MCHR2: variants seen among roughly 807,000 people sequenced by gnomAD.
MCHR2 encodes the protein melanin concentrating hormone receptor 2, also known as melanin-concentrating hormone receptor 2.
A neutral mutation model predicts 24.8 loss-of-function variants in MCHR2; 15 were observed. The ratio of observed to expected loss-of-function variants is 0.60; its 90% CI spans 0.40 to 0.93. The LOEUF is 0.93. MCHR2 is among the 40% of genes least tolerant of loss of function. The pLI is 0.00. For missense variants in MCHR2, 386 were observed against 408.7 expected, an observed-to-expected ratio of 0.94 and a Z score of 0.48; for synonymous variants, 151 against 147.6, an observed-to-expected ratio of 1.02 and a Z score of -0.17.
intron 3 of MCHR2, among the ~76,000 whole-genome samples, chr6:99,944,374 G>T (rs1774835957): frequency 6.6e-6 from 1 of 152,168 alleles, no homozygotes; most frequent in Admixed American, 6.6e-5. Context: ...GTGGAGGATA[G>T]TATTAGTAGA....
intron 1 of MCHR2, among the ~76,000 whole-genome samples, chr6:99,987,760 T>A (rs1369374527): frequency 6.6e-6 from 1 of 152,018 alleles, no homozygotes; most frequent in Non-Finnish European, 1.5e-5. Context: ...TTGAAATAAA[T>A]GGATAAACAT....
intron 1 of MCHR2, among the ~76,000 whole-genome samples, chr6:99,972,999 G>A (rs1045697290): frequency 1.4e-4 from 21 of 152,078 alleles, no homozygotes; most frequent in Admixed American, 2.0e-4. Context: ...GTCCGTTTTG[G>A]AATAGGTGTT....
Position 99,947,822 on chromosome 6 carries a change from G to C in MCHR2, c.332C>G (p.Ser111Cys). Residue 111 changes from serine to cysteine, a missense_variant, in exon 3 of 6, where the codon TCC (serine) becomes TGC (cysteine). By Grantham distance (112) the Ser-to-Cys change is moderately radical. Coordinates refer to ENST00000281806, the MANE Select transcript of MCHR2 (RefSeq NM_001040179.2). ...GGCAAATTGGTTACAAGTATCCAGG[G>C]ATGTGATGATGGTGCAGAGAGGCCC... ...FGGPLCTIIT[S>C]LDTCNQFACS... 1.2e-6 allele frequency: 2 copies of C among 1,613,804 alleles called. No homozygotes were observed. The highest frequency in any genetic ancestry group is 1.7e-6 in the Non-Finnish European group (2 of 1,179,788).
rs114863327 is a variant in MCHR2, at chr6:99,981,166, A to G, written c.-28+12770T>C. On this transcript the variant is annotated intron_variant, in intron 1 of 5. Transcript: ENST00000281806. ...ATTTATTATTATTATTGTTGTTACT[A>G]TTTTCACTTTAAAAGTACAGATTGT... Among the ~76,000 whole-genome samples, 447 of 152,286 alleles carry G rather than the reference A, an allele frequency of 2.9e-3. 4 individuals carry two copies. Among genetic ancestry groups the G allele is most frequent in the African/African-American group, 9.6e-3 (401 of 41,578 alleles).
At chr6:99,956,215 C>G in intron 1 of MCHR2, 41 bp from the exon 2 acceptor site, 6 of 1,305,126 alleles carry the variant, frequency 4.6e-6, no homozygotes, top group Non-Finnish European at 4.2e-6. Context: ...TGAACATTCC[C>G]TCAATATAAC....
chr6:99,941,618 G>C lies in MCHR2; in HGVS notation c.587+1331C>G, dbSNP rs567260349. ...TGTACTTATAAGAAGAGACACAAGAGAGCTTGCTTCCTGTCTCTCTCTTTT... is the reference window on the plus strand; with the variant it reads ...TGTACTTATAAGAAGAGACACAAGACAGCTTGCTTCCTGTCTCTCTCTTTT... On this transcript the variant is annotated intron_variant, in intron 4 of 5. Transcript: ENST00000281806. Among the ~76,000 whole-genome samples, 548 of 152,246 alleles carry C rather than the reference G, an allele frequency of 3.6e-3. 3 individuals are homozygous for C. Among genetic ancestry groups the C allele is most frequent in the African/African-American group, 0.012 (515 of 41,560 alleles).
At chr6:99,982,131 C>T (rs533038315) in intron 1 of MCHR2, among the ~76,000 whole-genome samples, 1 of 152,222 alleles carries the variant, frequency 6.6e-6, no homozygotes, top group African/African-American at 2.4e-5. Flanking sequence ...TTTTCCTCCT[C>T]ACAGCTTCAT....
At chr6:99,921,546 A>G (rs993720643) in intron 5 of MCHR2, among the ~76,000 whole-genome samples, 1 of 152,182 alleles carries the variant, frequency 6.6e-6, no homozygotes, top group African/African-American at 2.4e-5. Context: ...GTTTTGATAC[A>G]GGCATGCAAT....
intron 1 of MCHR2, among the ~76,000 whole-genome samples, chr6:99,992,882 A>G (rs974008679): frequency 2.0e-5 from 3 of 152,174 alleles, no homozygotes; most frequent in South Asian, 2.1e-4. Flanking sequence ...TACCAACCCA[A>G]TCCAGTCATT....
intron 1 of MCHR2, among the ~76,000 whole-genome samples, chr6:99,975,199 C>T (rs1051023421): frequency 6.6e-6 from 1 of 152,204 alleles, no homozygotes; most frequent in Non-Finnish European, 1.5e-5. Context: ...AGGCAGGTCT[C>T]CTTGAGCTGT....
chr6:99,959,138 T>C (rs1274637694), intron 1 of MCHR2, among the ~76,000 whole-genome samples: 2 of 152,034 alleles, frequency 1.3e-5, no homozygotes, highest in African/African-American at 4.8e-5. Flanking sequence ...TGATGAGACC[T>C]CATGTACTCT....
intron 1 of MCHR2, among the ~76,000 whole-genome samples, chr6:99,966,895 G>A (rs570545056): frequency 2.0e-5 from 3 of 152,100 alleles, no homozygotes; most frequent in African/African-American, 7.2e-5. Context: ...TATAATGAAA[G>A]CCAATGCTAA....
intron 1 of MCHR2, among the ~76,000 whole-genome samples, chr6:99,969,890 C>T (rs1432478918): frequency 1.3e-5 from 2 of 151,242 alleles, no homozygotes; most frequent in Non-Finnish European, 2.9e-5. Flanking sequence ...AGGACATGAA[C>T]TCTTCATTTT....
intron 2 of MCHR2, among the ~76,000 whole-genome samples, chr6:99,954,551 C>G (rs1290522083): frequency 2.0e-5 from 3 of 152,120 alleles, no homozygotes; most frequent in Non-Finnish European, 4.4e-5. Flanking sequence ...CTCCCAGCCC[C>G]CTTCAGCTGC....
intron 3 of MCHR2, among the ~76,000 whole-genome samples, chr6:99,947,521 A>C (rs1262436762): frequency 6.6e-6 from 1 of 152,156 alleles, no homozygotes; most frequent in African/African-American, 2.4e-5. Flanking sequence ...CTGAATTGCA[A>C]ATAAAACTGA....
At chr6:99,964,610 G>A (rs1281473952) in intron 1 of MCHR2, among the ~76,000 whole-genome samples, 1 of 152,082 alleles carries the variant, frequency 6.6e-6, no homozygotes, top group Non-Finnish European at 1.5e-5. Context: ...CATGAGAACA[G>A]CATGGGGGAA....
At chr6:99,965,836 A>G (rs1368345912) in intron 1 of MCHR2, among the ~76,000 whole-genome samples, 3 of 152,156 alleles carry the variant, frequency 2.0e-5, no homozygotes, top group Non-Finnish European at 4.4e-5. Context: ...GATCTCACAA[A>G]TCATTTATGA....
chr6:99,938,838 A>G (rs915987936), intron 4 of MCHR2, among the ~76,000 whole-genome samples: 2 of 152,054 alleles, frequency 1.3e-5, no homozygotes, highest in East Asian at 1.9e-4. Flanking sequence ...CTGAAGATCT[A>G]TTAGTGTTTG....
intron 1 of MCHR2, among the ~76,000 whole-genome samples, chr6:99,967,808 A>G (rs1470601278): frequency 6.6e-6 from 1 of 152,002 alleles, no homozygotes; most frequent in African/African-American, 2.4e-5. Context: ...GGAGGATCTC[A>G]TTTTTCACCT....
Sources: allele counts gnomAD v4.1 joint callset (sites outside exome capture counted in the v4.1 genomes callset), GRCh38; gene constraint gnomAD v4.1.1; transcripts MANE v1.5; gene names NCBI Gene and HGNC (gene_info 2026-07-23, HGNC 2026-07-21).